TMEM229B: variants seen among roughly 807,000 people sequenced by gnomAD.
TMEM229B encodes transmembrane protein 229B.
TMEM229B carries 6 observed loss-of-function variants against 13.7 expected under a neutral mutation model. The ratio of observed to expected loss-of-function variants is 0.44; its 90% CI spans 0.24 to 0.86. TMEM229B has a LOEUF of 0.86. Ranked by LOEUF, TMEM229B falls within the 40% of genes least tolerant of loss-of-function variation. The probability of loss-of-function intolerance (pLI) is 0.23; values close to 1 mark genes in which losing one functional copy is unlikely to be tolerated. For synonymous variants in TMEM229B, 107 were observed against 102.1 expected, an observed-to-expected ratio of 1.05 and a Z score of -0.29; for missense variants, 170 against 236.0, an observed-to-expected ratio of 0.72 and a Z score of 1.83.
At chr14:67,486,761 G>A (rs1242087675) in intron 2 of TMEM229B, among the ~76,000 whole-genome samples, 2 of 152,098 alleles carry the variant, frequency 1.3e-5, no homozygotes, top group Non-Finnish European at 2.9e-5. Flanking sequence ...TCAGCAGCAC[G>A]AAAACAAACT....
upstream of TMEM229B, among the ~76,000 whole-genome samples, chr14:67,490,125 G>A (rs977663592): frequency 2.8e-4 from 43 of 152,204 alleles, no homozygotes; most frequent in African/African-American, 9.4e-4. Flanking sequence ...ATTCTTGGGC[G>A]ACTGAAACAT....
upstream of TMEM229B, among the ~76,000 whole-genome samples, chr14:67,491,397 A>G (rs528197054): frequency 6.6e-6 from 1 of 152,240 alleles, no homozygotes; most frequent in African/African-American, 2.4e-5. Flanking sequence ...TCCTCTAAGC[A>G]TTTGGTCTTT....
intron 1 of TMEM229B, among the ~76,000 whole-genome samples, chr14:67,510,313 CA>C (rs954463523): frequency 5.3e-5 from 8 of 152,202 alleles, no homozygotes; most frequent in Non-Finnish European, 1.0e-4. Flanking sequence ...CAAGGTCACA[CA>C]AGTGAGTGAG....
chr14:67,488,222 C>T (rs1252038421), intron 1 of TMEM229B, among the ~76,000 whole-genome samples: 1 of 152,252 alleles, frequency 6.6e-6, no homozygotes, highest in African/African-American at 2.4e-5. Flanking sequence ...GTCCACCTTC[C>T]CCACTCCCCT....
At chr14:67,488,260 C>T (rs980886126) in intron 1 of TMEM229B, among the ~76,000 whole-genome samples, 3 of 152,264 alleles carry the variant, frequency 2.0e-5, no homozygotes, top group African/African-American at 7.2e-5. Context: ...TGAGTAGAGG[C>T]CGCTTGGGCC....
chr14:67,515,407 C>CCGGCGG (rs552146261), exon 1 of TMEM229B: 2,263 of 178,820 alleles, frequency 0.013, 58 homozygotes, highest in African/African-American at 0.047. Flanking sequence ...AAAGGAGCCC[C>CCGGCGG]CGGCGGCGGC....
upstream of TMEM229B, among the ~76,000 whole-genome samples, chr14:67,491,723 A>G (rs2032177494): frequency 6.6e-6 from 1 of 152,156 alleles, no homozygotes; most frequent in Non-Finnish European, 1.5e-5. Flanking sequence ...CAGAACAACC[A>G]CTTTTACTTA....
chr14:67,502,817 C>G (rs1002755150), intron 1 of TMEM229B, among the ~76,000 whole-genome samples: 11 of 152,146 alleles, frequency 7.2e-5, no homozygotes, highest in Non-Finnish European at 1.5e-4. Context: ...TATTTCCCAG[C>G]AGCCAACCAA....
intron 1 of TMEM229B, among the ~76,000 whole-genome samples, chr14:67,531,457 A>G (rs868112628): frequency 1.3e-5 from 2 of 152,064 alleles, no homozygotes; most frequent in Non-Finnish European, 2.9e-5. Context: ...CAATGGTGAG[A>G]TGCACTCTAT....
At chr14:67,490,893 G>A (rs777581355), upstream of TMEM229B, among the ~76,000 whole-genome samples, 93 of 152,146 alleles carry the variant, frequency 6.1e-4, no homozygotes, top group Non-Finnish European at 1.1e-3. Flanking sequence ...TGGGGTGGGC[G>A]TGGAGGGGGG....
chr14:67,498,977 G>A (rs189851981), intron 1 of TMEM229B, among the ~76,000 whole-genome samples: 9 of 46,580 alleles, frequency 1.9e-4, no homozygotes, highest in African/African-American at 4.7e-4. Context: ...ACAAGGCAAT[G>A]GTTTTATTTA....
intron 1 of TMEM229B, among the ~76,000 whole-genome samples, chr14:67,499,311 T>G (rs902530105): frequency 6.6e-6 from 1 of 152,220 alleles, no homozygotes; most frequent in Admixed American, 6.5e-5. Context: ...ACTAATGGTC[T>G]TTTATTGATA....
chr14:67,532,567 TCCTCCTGGGC>T (rs1165651318), intron 1 of TMEM229B, among the ~76,000 whole-genome samples: 1 of 152,010 alleles, frequency 6.6e-6, no homozygotes, highest in Non-Finnish European at 1.5e-5. Flanking sequence ...GCAGCCAGGG[TCCTCCTGGGC>T]CCTCCTTTAA....
chr14:67,514,377 G>T (rs1462956826), intron 1 of TMEM229B, among the ~76,000 whole-genome samples: 1 of 152,170 alleles, frequency 6.6e-6, no homozygotes, highest in East Asian at 1.9e-4. Flanking sequence ...GAACCGGGCT[G>T]TAACACTCCC....
At chr14:67,482,863 T>C (rs1268521606) in intron 2 of TMEM229B, among the ~76,000 whole-genome samples, 1 of 152,166 alleles carries the variant, frequency 6.6e-6, no homozygotes, top group Non-Finnish European at 1.5e-5. Context: ...CTGCAGGCCT[T>C]GATGAAGTCC....
At chr14:67,499,515 C>A (rs533805022) in intron 1 of TMEM229B, among the ~76,000 whole-genome samples, 1 of 152,314 alleles carries the variant, frequency 6.6e-6, no homozygotes, top group East Asian at 1.9e-4. Flanking sequence ...GTTTCAATGT[C>A]TGGAGGCAAA....
chr14:67,477,240 A>G (rs1189884243), intron 2 of TMEM229B, among the ~76,000 whole-genome samples: 1 of 151,858 alleles, frequency 6.6e-6, no homozygotes, highest in African/African-American at 2.4e-5. Context: ...CCTGCCATTC[A>G]AGATTCTTCA....
At position 67,481,985 on chromosome 14, in the gene TMEM229B, G is replaced by C. The variant is rs1394745862; in HGVS notation, c.-19+5015C>G. On this transcript the variant is annotated intron_variant, in intron 2 of 2. Coordinates refer to ENST00000554480, the MANE Select transcript of TMEM229B (RefSeq NM_001348543.2). ...AGTGTGAGCAAGGTTGAATGCAGGA[G>C]GACAGAGTTTGGAGAGCAAAGGATA... 3.3e-5 allele frequency among the ~76,000 whole-genome samples: 5 copies of C among 152,244 alleles called. No homozygotes were observed. In the East Asian group the frequency reaches 9.6e-4, roughly 29 times the overall value.
intron 1 of TMEM229B, among the ~76,000 whole-genome samples, chr14:67,521,353 A>C (rs997475398): frequency 1.3e-5 from 2 of 152,238 alleles, no homozygotes; most frequent in African/African-American, 4.8e-5. Flanking sequence ...TATTTATAAA[A>C]TGTCACAGAG....
Sources: gnomAD v4.1 joint callset for allele counts (sites outside exome capture counted in the v4.1 genomes callset) on GRCh38, gnomAD v4.1.1 for gene constraint, MANE v1.5 for transcripts, NCBI Gene and HGNC (gene_info 2026-07-23, HGNC 2026-07-21) for gene names.